TENM4: variants seen among roughly 807,000 people sequenced by gnomAD.
TENM4 encodes the protein teneurin-4.
Under a neutral mutation model 243.3 loss-of-function variants are expected in TENM4, and 82 were observed. The ratio of observed to expected loss-of-function variants is 0.34; its 90% CI spans 0.28 to 0.40. The LOEUF (loss-of-function observed/expected upper bound fraction) is 0.40. TENM4 is among the 10% of genes least tolerant of loss of function. The pLI, the probability that TENM4 is intolerant of heterozygous loss-of-function variation, is 1.00. For missense variants in TENM4, 3,138 were observed against 3,673.3 expected, an observed-to-expected ratio of 0.85 and a Z score of 3.77; for synonymous variants, 1,412 against 1,456.3, an observed-to-expected ratio of 0.97 and a Z score of 0.69.
chr11:79,066,574 GCA>G (rs529649135), intron 5 of TENM4, among the ~76,000 whole-genome samples: 2 of 151,640 alleles, frequency 1.3e-5, no homozygotes, highest in East Asian at 1.9e-4. Flanking sequence ...ACGTGCACGC[GCA>G]CACACACATG....
At chr11:78,880,169 C>T (rs55765006) in intron 9 of TENM4, among the ~76,000 whole-genome samples, 1 of 152,168 alleles carries the variant, frequency 6.6e-6, no homozygotes. Flanking sequence ...ACCCCGTGCT[C>T]TCTGAAACAT....
At chr11:79,236,137 G>T (rs1444926511) in intron 2 of TENM4, among the ~76,000 whole-genome samples, 1 of 152,060 alleles carries the variant, frequency 6.6e-6, no homozygotes, top group East Asian at 1.9e-4. Flanking sequence ...ATGCTGCCAT[G>T]AAACCTCCAT....
intron 6 of TENM4, chr11:78,924,815 C>T (rs1303540169): frequency 6.6e-6 from 1 of 152,202 alleles, no homozygotes; most frequent in Non-Finnish European, 1.5e-5. Flanking sequence ...CAATGTATCA[C>T]TATACTAATA....
At chr11:78,949,465 A>G (rs1434617969) in intron 6 of TENM4, among the ~76,000 whole-genome samples, 1 of 152,240 alleles carries the variant, frequency 6.6e-6, no homozygotes, top group African/African-American at 2.4e-5. Flanking sequence ...AACTTTCCAT[A>G]AAATAAAAGG....
chr11:79,112,077 G>A (rs1010557302), intron 4 of TENM4, among the ~76,000 whole-genome samples: 3 of 152,184 alleles, frequency 2.0e-5, no homozygotes, highest in Non-Finnish European at 4.4e-5. Flanking sequence ...CTCATTGGTC[G>A]TGTAGGGTGC....
At chr11:78,752,198 C>T (rs188757661) in intron 19 of TENM4, among the ~76,000 whole-genome samples, 7 of 152,284 alleles carry the variant, frequency 4.6e-5, no homozygotes, top group Admixed American at 2.0e-4. Flanking sequence ...CAGCACTGTG[C>T]GGGGCCCTGG....
At chr11:79,289,943 T>C (rs1003066905) in intron 2 of TENM4, among the ~76,000 whole-genome samples, 4 of 151,384 alleles carry the variant, frequency 2.6e-5, no homozygotes, top group African/African-American at 9.8e-5. Context: ...AGTTTCTACC[T>C]TTTTTCTTTC....
chr11:79,027,711 C>A (rs1352262249), intron 6 of TENM4, among the ~76,000 whole-genome samples: 1 of 152,200 alleles, frequency 6.6e-6, no homozygotes. Context: ...TGAACACCAG[C>A]CAGCTTAGGG....
rs547902352 is a variant in TENM4, at chr11:79,035,449, T to C, written c.493+29289A>G. Among the ~76,000 whole-genome samples, 2 of 152,286 alleles carry C rather than the reference T, an allele frequency of 1.3e-5. 1 individual carries two copies. The highest frequency in any genetic ancestry group is 4.1e-4 in the South Asian group (2 of 4,828). Reference sequence around the variant, plus strand: ...TAACTTATGTCTCTTCATCCTGCCTTTGTCATTCCTCCTTAAAACAGTTTT... The same window carrying C: ...TAACTTATGTCTCTTCATCCTGCCTCTGTCATTCCTCCTTAAAACAGTTTT... On this transcript the variant is annotated intron_variant, in intron 6 of 33. Transcript: ENST00000278550.
intron 6 of TENM4, among the ~76,000 whole-genome samples, chr11:78,940,750 G>A (rs1856874461): frequency 6.6e-6 from 1 of 152,168 alleles, no homozygotes; most frequent in African/African-American, 2.4e-5. Context: ...GGTCACCCTG[G>A]GGATGCCATG....
At chr11:78,802,946 G>A (rs1857310896) in intron 15 of TENM4, among the ~76,000 whole-genome samples, 1 of 152,004 alleles carries the variant, frequency 6.6e-6, no homozygotes, top group African/African-American at 2.4e-5. Context: ...TTAATATCAA[G>A]TGCTCTACCA....
chr11:79,280,460 T>G (rs1317621636), intron 2 of TENM4, among the ~76,000 whole-genome samples: 2 of 152,216 alleles, frequency 1.3e-5, no homozygotes, highest in African/African-American at 2.4e-5. Flanking sequence ...GTCCCTTAGC[T>G]GGCCCCCTCC....
At chr11:79,055,390 C>T (rs1367898831) in intron 6 of TENM4, among the ~76,000 whole-genome samples, 3 of 152,184 alleles carry the variant, frequency 2.0e-5, no homozygotes, top group South Asian at 2.1e-4. Context: ...TACAGGCACA[C>T]ACCACCACAC....
intron 3 of TENM4, among the ~76,000 whole-genome samples, chr11:79,171,349 G>A (rs761403547): frequency 3.9e-5 from 6 of 152,216 alleles, no homozygotes; most frequent in Non-Finnish European, 7.3e-5. Flanking sequence ...GCTGGAAAGT[G>A]GATCTTTGCA....
intron 1 of TENM4, among the ~76,000 whole-genome samples, chr11:79,301,767 G>A (rs1856552854): frequency 6.6e-6 from 1 of 152,054 alleles, no homozygotes; most frequent in South Asian, 2.1e-4. Context: ...TCTTGATAAC[G>A]AGTGAGTTCT....
chr11:79,381,305 A>G (rs1016767023), intron 1 of TENM4, among the ~76,000 whole-genome samples: 3 of 149,954 alleles, frequency 2.0e-5, no homozygotes, highest in African/African-American at 7.4e-5. Context: ...CAATGATGCA[A>G]TTATGTCCCA....
chr11:79,321,124 C>T (rs1393127137), intron 1 of TENM4, among the ~76,000 whole-genome samples: 1 of 152,146 alleles, frequency 6.6e-6, no homozygotes, highest in Non-Finnish European at 1.5e-5. Flanking sequence ...TAGACAAGTC[C>T]CTTGGCCTCT....
At chr11:78,957,970 A>C (rs1285321195) in intron 6 of TENM4, among the ~76,000 whole-genome samples, 5 of 152,206 alleles carry the variant, frequency 3.3e-5, no homozygotes, top group Non-Finnish European at 7.3e-5. Context: ...ACAAAACAAA[A>C]AAAACAACAG....
At chr11:78,908,137 C>T (rs1369403517) in intron 6 of TENM4, among the ~76,000 whole-genome samples, 1 of 152,168 alleles carries the variant, frequency 6.6e-6, no homozygotes, top group African/African-American at 2.4e-5. Flanking sequence ...AGTGAGGCTC[C>T]TTTACAATGC....
Sources: allele counts gnomAD v4.1 joint callset (sites outside exome capture counted in the v4.1 genomes callset), GRCh38; gene constraint gnomAD v4.1.1; transcripts MANE v1.5; gene names NCBI Gene and HGNC (gene_info 2026-07-23, HGNC 2026-07-21).